The following CERCAM variants were observed in gnomAD, a reference collection of about 807,000 sequenced individuals.
CERCAM encodes inactive glycosyltransferase 25 family member 3.
Under a neutral mutation model 66.0 loss-of-function variants are expected in CERCAM, and 59 were observed. The ratio of observed to expected loss-of-function variants is 0.89; its 90% confidence interval spans 0.73 to 1.11. CERCAM has a LOEUF of 1.11. Ranked by LOEUF, CERCAM falls within the 50% of genes most tolerant of loss-of-function variation. CERCAM has a pLI of 0.00. For missense variants in CERCAM, 840 were observed against 828.3 expected (o/e 1.01, Z -0.17); for synonymous variants, 318 against 343.6 (o/e 0.93, Z 0.83).
At chr9:128,421,194 C>G in intron 1 of CERCAM, 120 bp downstream of exon 1, 2 of 1,239,294 alleles carry the variant, frequency 1.6e-6, no homozygotes, top group Non-Finnish European at 2.0e-6. Flanking sequence ...ACAGGCCCCT[C>G]CCCTCACAGA....
intron 3 of CERCAM, 88 bp from the exon 4 acceptor site, chr9:128,424,050 G>A (rs543433219): frequency 1.2e-5 from 17 of 1,464,630 alleles, no homozygotes; most frequent in Admixed American, 6.2e-5. Context: ...TAGGAGCCAC[G>A]CTGGGTCTCT....
chr9:128,431,565 T>C, intron 9 of CERCAM: 1 of 433,030 alleles, frequency 2.3e-6, no homozygotes, highest in Non-Finnish European at 4.2e-6. Context: ...ACAATGCATG[T>C]CTGCTCCTTC....
At chr9:128,421,367 C>G (rs1320367526) in intron 1 of CERCAM, 1 of 1,162,508 alleles carries the variant, frequency 8.6e-7, no homozygotes, top group African/African-American at 1.6e-5. Flanking sequence ...CCAGCCAGCC[C>G]TTTTCACCCC....
intron 1 of CERCAM, 57 bp from the exon 2 acceptor site, chr9:128,422,811 C>T (rs1833740082): frequency 6.3e-7 from 1 of 1,594,642 alleles, no homozygotes; most frequent in African/African-American, 1.3e-5. Flanking sequence ...GTCAAGGCTG[C>T]CTTGGGGTTC....
In CERCAM at chr9:128,434,619, G is replaced by T. The variant is rs778528316; in HGVS notation, c.1535+6G>T. ...ATGTTCGACCAGCACCCCAAGTGAG[G>T]CTCTGATGGGGGCCGGGCATGGCAG... On this transcript the variant is annotated splice_donor_region_variant and intron_variant, in intron 11 of 12. Coordinates refer to ENST00000372838, the MANE Select transcript of CERCAM (RefSeq NM_016174.5). This position sits in a 1 kb window ranked among gnomAD's most constrained non-coding sequence, Gnocchi z 4.5. 1.9e-6 allele frequency: 3 copies of T among 1,582,378 alleles called. No individual in the cohort carries two copies.
rs967298742 is a variant in CERCAM at position 128,436,002 on chromosome 9, A to G, written c.*97A>G. ...TGTCTGGGGCTGTTTTCCCCTTCTC[A>G]GCCTTCTCTCTCCCTCTCCATCTCT... On this transcript the variant is annotated intron_variant, in intron 12 of 12. Transcript: ENST00000372838. The G allele has an allele frequency of 1.0e-5, 13 of 1,274,858 alleles. No individual in the cohort carries two copies. In the South Asian group the frequency reaches 1.5e-4, roughly 15 times the overall value. The allele number at this position is 1,274,858 out of a possible 1,614,324, so 79.0% of individuals were successfully genotyped here.
chr9:128,424,061 G>T, intron 3 of CERCAM, 77 bp from the exon 4 acceptor site: 1 of 1,529,074 alleles, frequency 6.5e-7, no homozygotes. Context: ...CTGGGTCTCT[G>T]GCAGGACCAC....
chr9:128,433,322 G>A (rs1321835400), intron 9 of CERCAM, among the ~76,000 whole-genome samples: 2 of 151,448 alleles, frequency 1.3e-5, no homozygotes, highest in Non-Finnish European at 2.9e-5. Flanking sequence ...GTGGTGGTGG[G>A]CACCTGTAAT....
chr9:128,426,020 G>A (rs555084043), intron 5 of CERCAM, among the ~76,000 whole-genome samples: 140 of 151,678 alleles, frequency 9.2e-4, no homozygotes, highest in Non-Finnish European at 1.8e-3. Flanking sequence ...GCCCAGGCTG[G>A]TCTTGAACTC....
Position 128,428,940 on chromosome 9 carries a change from T to A in CERCAM, c.974T>A (p.Ile325Asn), listed in dbSNP as rs1457513259. The change falls in exon 8 of 13, where the codon ATC (isoleucine) becomes AAC (asparagine). Residue 325 changes from isoleucine (I) to asparagine (N), a missense_variant. By Grantham distance (149) the Ile-to-Asn change is moderately radical (BLOSUM62 -3). Transcript: ENST00000372838. ...CCCTGCCTCCTCCAGGTCTTTGTCATCAGCCTGGCTCGCAGGCCTGACCGT... is the reference window on the plus strand; with the variant it reads ...CCCTGCCTCCTCCAGGTCTTTGTCAACAGCCTGGCTCGCAGGCCTGACCGT... ...SKIGFDEVFVISLARRPDRRE... is the reference protein window; with the variant it reads ...SKIGFDEVFVNSLARRPDRRE... The A allele has an allele frequency of 6.2e-7, 1 of 1,608,980 alleles. No homozygotes were observed. The highest frequency in any genetic ancestry group is 2.2e-5 in the East Asian group (1 of 44,762).
chr9:128,434,132 G>C lies in CERCAM; in HGVS notation c.1234G>C (p.Val412Leu). 1 of 1,614,148 alleles carries C rather than the reference G, an allele frequency of 6.2e-7. No individual in the cohort carries two copies. The highest frequency in any genetic ancestry group is 8.5e-7 in the Non-Finnish European group (1 of 1,180,014). ...TGCCAGGGGCCTGGCCCGGGTCCTG[G>C]TGTTTGAGGATGACGTGCGCTTTGA... ...VVARGLARVL[V>L]FEDDVRFESN... Residue 412 changes from valine to leucine, a missense_variant, in exon 10 of 13, where the codon GTG (valine) becomes CTG (leucine). Coordinates refer to ENST00000372838, the MANE Select transcript of CERCAM (RefSeq NM_016174.5). This position sits in a 1 kb window ranked among gnomAD's most constrained non-coding sequence, Gnocchi z 4.5.
intron 8 of CERCAM, among the ~76,000 whole-genome samples, chr9:128,429,962 ATGTTT>A (rs903491140): frequency 2.3e-4 from 34 of 146,524 alleles, no homozygotes; most frequent in African/African-American, 7.8e-4. Context: ...ATTAAAAAAA[ATGTTT>A]TGTTTTGTTT....
In CERCAM at chr9:128,424,472, C is replaced by G; in HGVS notation, c.624C>G (p.Phe208Leu). The G allele has an allele frequency of 3.7e-6, 6 of 1,614,140 alleles. No individual in the cohort carries two copies. Among genetic ancestry groups the G allele is most frequent in the Non-Finnish European group, 5.1e-6 (6 of 1,180,024 alleles). The change falls in exon 5 of 13, where the codon TTC becomes TTG. Residue 208 changes from phenylalanine (F) to leucine (L), a missense_variant. Physicochemically the swap from Phe to Leu is conservative, Grantham distance 22. Coordinates refer to ENST00000372838, the MANE Select transcript of CERCAM (RefSeq NM_016174.5). ...PTKNRQRRGC[F>L]RVPMVHSTFL... Reference sequence around the variant, plus strand: ...AGAACCGCCAGCGCCGGGGCTGCTTCCGTGTCCCCATGGTCCACTCCACCT... The same window carrying G: ...AGAACCGCCAGCGCCGGGGCTGCTTGCGTGTCCCCATGGTCCACTCCACCT...
Position 128,435,743 on chromosome 9 carries a change from C to G in CERCAM, c.1626C>G (p.Asp542Glu). ...CTGCCCCTACCCACTATGCCGGGGACGCCGAGTGGCTCAGTGACACGGAGA... is the reference window on the plus strand; with the variant it reads ...CTGCCCCTACCCACTATGCCGGGGAGGCCGAGTGGCTCAGTGACACGGAGA... ...LLAAPTHYAG[D>E]AEWLSDTETS... Residue 542 changes from aspartate (D) to glutamate (E), a missense_variant, in exon 12 of 13, where the codon GAC becomes GAG. Transcript: ENST00000372838. The G allele has an allele frequency of 6.2e-7, 1 of 1,613,548 alleles. No homozygotes were observed. Among genetic ancestry groups the G allele is most frequent in the Non-Finnish European group, 8.5e-7 (1 of 1,179,910 alleles).
chr9:128,419,409 C>G (rs753384119), upstream of CERCAM: 3 of 152,416 alleles, frequency 2.0e-5, no homozygotes, highest in Non-Finnish European at 4.4e-5. Flanking sequence ...GAAAGGAGAT[C>G]TTCCCAGCGG....
chr9:128,434,054 GGTT>G lies in CERCAM; in HGVS notation c.1204-44_1204-42del. The G allele has an allele frequency of 6.2e-7, 1 of 1,605,032 alleles. No homozygotes were observed. The highest frequency in any genetic ancestry group is 8.5e-7 in the Non-Finnish European group (1 of 1,175,018). The stretch of plus-strand genomic sequence containing the variant: ...GTGAGCTTCAGCGTGGAGGGAGGGG[GGTT>G]GTTTAACTCCGAAGAGCCATCTCCC... On this transcript the variant is annotated intron_variant, in intron 9 of 12. Transcript: ENST00000372838. This position sits in a 1 kb window ranked among gnomAD's most constrained non-coding sequence, Gnocchi z 4.5.
At position 128,430,305 on chromosome 9, in the gene CERCAM, G is replaced by T. The variant is rs545866349; in HGVS notation, c.1071-866G>T. Among the ~76,000 whole-genome samples, 19 of 152,320 alleles carry T rather than the reference G, an allele frequency of 1.2e-4. No individual in the cohort carries two copies. In the East Asian group the frequency reaches 3.5e-3, roughly 28 times the overall value. ...TAATCTCAGCTACTTGGGAGGCTGA[G>T]TCAGGAGAACTGCTGGAACCCAGGA... On this transcript the variant is annotated intron_variant, in intron 8 of 12. Coordinates refer to ENST00000372838, the MANE Select transcript of CERCAM (RefSeq NM_016174.5).
At chr9:128,427,254 G>A (rs981862371) in intron 5 of CERCAM, among the ~76,000 whole-genome samples, 44 of 151,872 alleles carry the variant, frequency 2.9e-4, no homozygotes, top group African/African-American at 8.7e-4. Flanking sequence ...ATGGGATTAC[G>A]GGCGGCCACC....
chr9:128,427,958 T>C (rs1833884215), intron 5 of CERCAM, among the ~76,000 whole-genome samples: 1 of 151,902 alleles, frequency 6.6e-6, no homozygotes, highest in South Asian at 2.1e-4. Flanking sequence ...GACAGAGCAG[T>C]GGGGCTCACT....
Sources: gnomAD v4.1 joint callset for allele counts (sites outside exome capture counted in the v4.1 genomes callset) on GRCh38, gnomAD v4.1.1 for gene constraint, Gnocchi (gnomAD v3.1) non-coding constraint, MANE v1.5 for transcripts, NCBI Gene and HGNC (gene_info 2026-07-23, HGNC 2026-07-21) for gene names.